USP34: variants seen among roughly 807,000 people sequenced by gnomAD.
The protein encoded by USP34 is ubiquitin specific peptidase 34.
In USP34, 70 loss-of-function variants were observed where a neutral mutation model predicts 460.3. The ratio of observed to expected loss-of-function variants is 0.15; its 90% CI spans 0.13 to 0.19. The LOEUF (loss-of-function observed/expected upper bound fraction) is 0.19, where lower values mean the gene tolerates loss of function less well. USP34 is among the 10% of genes least tolerant of loss of function. The pLI is 1.00. For synonymous variants in USP34, 1,647 were observed against 1,405.3 expected, an observed-to-expected ratio of 1.17 and a Z score of -3.85; for missense variants, 3,985 against 4,236.2, an observed-to-expected ratio of 0.94 and a Z score of 1.65.
At chr2:61,387,587 ATATT>A (rs1301500815) in intron 5 of USP34, among the ~76,000 whole-genome samples, 7 of 147,548 alleles carry the variant, frequency 4.7e-5, no homozygotes, top group South Asian at 2.1e-4. Context: ...TAAAATATAT[ATATT>A]TATATATACA....
intron 41 of USP34, among the ~76,000 whole-genome samples, chr2:61,273,988 TAA>T (rs1362957329): frequency 6.6e-6 from 1 of 151,720 alleles, no homozygotes; most frequent in African/African-American, 2.4e-5. Context: ...TGTAAAATAT[TAA>T]GTTATGAAAG....
At chr2:61,219,206 G>C (rs894460343) in intron 67 of USP34, among the ~76,000 whole-genome samples, 2 of 152,112 alleles carry the variant, frequency 1.3e-5, no homozygotes, top group South Asian at 4.1e-4. Flanking sequence ...GTTCTTTCAG[G>C]TTAGCTCTGT....
chr2:61,258,685 G>A (rs890544466), intron 44 of USP34, among the ~76,000 whole-genome samples: 1 of 152,168 alleles, frequency 6.6e-6, no homozygotes, highest in Non-Finnish European at 1.5e-5. Flanking sequence ...TGATGAGCTC[G>A]AATACCATTC....
intron 1 of USP34, among the ~76,000 whole-genome samples, chr2:61,441,593 C>T (rs929587651): frequency 6.6e-6 from 1 of 151,912 alleles, no homozygotes; most frequent in Non-Finnish European, 1.5e-5. Flanking sequence ...GGCTGCCCAG[C>T]CTAGGGCTGC....
intron 66 of USP34, 46 bp from the exon 67 acceptor site, chr2:61,220,503 G>A: frequency 1.3e-6 from 2 of 1,515,634 alleles, no homozygotes; most frequent in Non-Finnish European, 8.9e-7. Context: ...AACTGAATGA[G>A]CAATTACTTT....
intron 1 of USP34, among the ~76,000 whole-genome samples, chr2:61,464,135 C>A (rs577901356): frequency 1.7e-4 from 26 of 152,266 alleles, no homozygotes; most frequent in South Asian, 1.7e-3. Context: ...TGTGGCCAAA[C>A]TGGTGAAAAT....
At chr2:61,202,230 C>A (rs538962715) in intron 75 of USP34, among the ~76,000 whole-genome samples, 29 of 152,238 alleles carry the variant, frequency 1.9e-4, no homozygotes, top group African/African-American at 6.0e-4. Flanking sequence ...AAACCTTTTC[C>A]ATAGGAAGGA....
intron 27 of USP34, among the ~76,000 whole-genome samples, chr2:61,302,703 A>G (rs1690266727): frequency 6.6e-6 from 1 of 152,218 alleles, no homozygotes; most frequent in Non-Finnish European, 1.5e-5. Context: ...TTAACTAACA[A>G]TTCCCATACC....
Position 61,236,359 on chromosome 2 carries a change from G to T in USP34, c.6808C>A (p.Gln2270Lys), listed in dbSNP as rs752127132. The change falls in exon 54 of 80, where the codon CAA becomes AAA. Residue 2270 changes from glutamine to lysine, a missense_variant. Physicochemically the swap from Gln to Lys is moderately conservative, Grantham distance 53. Coordinates refer to ENST00000398571, the MANE Select transcript of USP34 (RefSeq NM_014709.4). ...GTATGTTCAAAAATGTTTTTGTCTT[G>T]AAGAAACTGCATGTTATCATGCCAA... Reference protein sequence around the residue: ...WIWHDNMQFLQDKNIFEHTYF... With the variant: ...WIWHDNMQFLKDKNIFEHTYF... The T allele has an allele frequency of 3.1e-6, 5 of 1,603,630 alleles. No individual in the cohort carries two copies. The highest frequency in any genetic ancestry group is 4.3e-6 in the Non-Finnish European group (5 of 1,175,782).
chr2:61,273,528 G>A (rs1447282422), intron 41 of USP34, among the ~76,000 whole-genome samples: 2 of 152,168 alleles, frequency 1.3e-5, no homozygotes, highest in African/African-American at 4.8e-5. Flanking sequence ...AGACCAGCCT[G>A]ACCAACATGG....
intron 6 of USP34, among the ~76,000 whole-genome samples, chr2:61,381,213 A>T (rs1692961307): frequency 6.7e-6 from 1 of 149,070 alleles, no homozygotes; most frequent in Non-Finnish European, 1.5e-5. Context: ...TAAAAAAAAA[A>T]AAAATAAATA....
intron 18 of USP34, among the ~76,000 whole-genome samples, chr2:61,337,753 G>A (rs1572946708): frequency 6.6e-6 from 1 of 152,114 alleles, no homozygotes; most frequent in African/African-American, 2.4e-5. Flanking sequence ...ACTGCGCCCG[G>A]CCTAGTTATT....
chr2:61,255,835 C>CA (rs1244740664), intron 48 of USP34, among the ~76,000 whole-genome samples: 1 of 152,208 alleles, frequency 6.6e-6, no homozygotes, highest in East Asian at 1.9e-4. Context: ...CATGGGCTGT[C>CA]ATAGTATTGC....
intron 33 of USP34, among the ~76,000 whole-genome samples, chr2:61,289,601 A>T (rs1355670402): frequency 6.6e-6 from 1 of 152,102 alleles, no homozygotes; most frequent in Non-Finnish European, 1.5e-5. Context: ...ATTCCTACAC[A>T]AACATACCAG....
chr2:61,363,861 C>T (rs976466385), intron 10 of USP34, among the ~76,000 whole-genome samples: 1 of 152,102 alleles, frequency 6.6e-6, no homozygotes, highest in Non-Finnish European at 1.5e-5. Flanking sequence ...GAGTATTAGT[C>T]ATAAAAGGAA....
chr2:61,306,861 T>C (rs570957061), intron 27 of USP34, among the ~76,000 whole-genome samples: 1 of 152,168 alleles, frequency 6.6e-6, no homozygotes, highest in Non-Finnish European at 1.5e-5. Flanking sequence ...TATTACCCAG[T>C]TGGTGGGACT....
chr2:61,246,283 C>T, intron 50 of USP34, 41 bp downstream of exon 50: 2 of 1,436,428 alleles, frequency 1.4e-6, no homozygotes, highest in South Asian at 3.2e-5. Context: ...CAGAAAACTA[C>T]CATAAATTGT....
chr2:61,429,370 C>T (rs1166759230), intron 1 of USP34, among the ~76,000 whole-genome samples: 1 of 151,942 alleles, frequency 6.6e-6, no homozygotes, highest in Admixed American at 6.6e-5. Context: ...TGGCATGAAC[C>T]CAGGAGGCAG....
At chr2:61,444,101 A>C (rs1042491012) in intron 1 of USP34, among the ~76,000 whole-genome samples, 3 of 152,050 alleles carry the variant, frequency 2.0e-5, no homozygotes, top group Admixed American at 2.0e-4. Context: ...TAAATAAATA[A>C]AATTGTAGGT....
Sources: gnomAD v4.1 joint callset for allele counts (sites outside exome capture counted in the v4.1 genomes callset) on GRCh38, gnomAD v4.1.1 for gene constraint, MANE v1.5 for transcripts, NCBI Gene and HGNC (gene_info 2026-07-23, HGNC 2026-07-21) for gene names.